OGDH: variants seen among roughly 807,000 people sequenced by gnomAD.
OGDH encodes the protein oxoglutarate dehydrogenase, also known as 2-oxoglutarate dehydrogenase complex component E1.
In OGDH, 38 loss-of-function variants were observed where a neutral mutation model predicts 116.6. The ratio of observed to expected loss-of-function variants is 0.33; its 90% CI spans 0.25 to 0.43. The LOEUF (loss-of-function observed/expected upper bound fraction) is 0.43, where lower values mean the gene tolerates loss of function less well. OGDH is among the 20% of genes least tolerant of loss of function. OGDH has a pLI of 1.00. For missense variants in OGDH, 825 were observed against 1,357.2 expected (o/e 0.61, Z 6.16); for synonymous variants, 488 against 533.3 (o/e 0.92, Z 1.17).
At chr7:44,607,388 C>T (rs968621455) in intron 1 of OGDH, among the ~76,000 whole-genome samples, 1 of 152,188 alleles carries the variant, frequency 6.6e-6, no homozygotes, top group African/African-American at 2.4e-5. Flanking sequence ...CGCGCCCTCG[C>T]CCTGACCTGG....
intron 1 of OGDH, among the ~76,000 whole-genome samples, chr7:44,609,438 C>T (rs112050133): frequency 6.7e-6 from 1 of 149,430 alleles, no homozygotes; most frequent in Non-Finnish European, 1.5e-5. Context: ...TGAGCCTAGG[C>T]TGTGGTGGCT....
intron 18 of OGDH, among the ~76,000 whole-genome samples, chr7:44,699,297 G>A (rs962286002): frequency 2.7e-5 from 4 of 150,622 alleles, no homozygotes; most frequent in Non-Finnish European, 5.9e-5. Context: ...GTGGTGGCGG[G>A]CACCTGTAGT....
At chr7:44,689,208 C>CTTTTT (rs367897508) in intron 10 of OGDH, among the ~76,000 whole-genome samples, 7 of 101,316 alleles carry the variant, frequency 6.9e-5, no homozygotes, top group African/African-American at 8.2e-5. Flanking sequence ...ATCAGGGTTC[C>CTTTTT]TTTTTTTTTT....
At chr7:44,616,768 C>T (rs1178982529) in intron 1 of OGDH, among the ~76,000 whole-genome samples, 8 of 126,822 alleles carry the variant, frequency 6.3e-5, no homozygotes, top group African/African-American at 1.9e-4. Context: ...TATATATACA[C>T]GTATATGTGT....
At chr7:44,616,741 A>G (rs1031670069) in intron 1 of OGDH, among the ~76,000 whole-genome samples, 1 of 146,288 alleles carries the variant, frequency 6.8e-6, no homozygotes, top group Non-Finnish European at 1.5e-5. Flanking sequence ...ATATACGTAT[A>G]TAAGTGTATA....
At chr7:44,675,912 CTTT>C in intron 8 of OGDH, 55 bp from the exon 9 acceptor site, 1 of 1,568,098 alleles carries the variant, frequency 6.4e-7, no homozygotes, top group Non-Finnish European at 8.7e-7. Context: ...TAAAAGGGCT[CTTT>C]TGGAGACTGA....
chr7:44,655,016 T>C (rs1001146280), intron 4 of OGDH, among the ~76,000 whole-genome samples: 6 of 152,246 alleles, frequency 3.9e-5, no homozygotes, highest in Non-Finnish European at 8.8e-5. Flanking sequence ...TTGTGTCTTT[T>C]GTTTGCCTTT....
chr7:44,659,160 T>C (rs9768229), intron 4 of OGDH, among the ~76,000 whole-genome samples: 28,251 of 152,052 alleles, frequency 0.19, 6,301 homozygotes, highest in African/African-American at 0.52. Context: ...TTAATGTAGA[T>C]GATTTAATGC....
intron 1 of OGDH, among the ~76,000 whole-genome samples, chr7:44,619,744 G>A (rs1784937782): frequency 6.6e-6 from 1 of 151,812 alleles, no homozygotes; most frequent in African/African-American, 2.4e-5. Context: ...AGTTTTTTTT[G>A]TGGACATACA....
At chr7:44,647,970 T>A (rs1786265954) in intron 4 of OGDH, among the ~76,000 whole-genome samples, 1 of 152,214 alleles carries the variant, frequency 6.6e-6, no homozygotes, top group African/African-American at 2.4e-5. Context: ...AGTCTCAAAA[T>A]TTGAAAATAA....
intron 10 of OGDH, among the ~76,000 whole-genome samples, chr7:44,683,583 G>A (rs1237800335): frequency 2.6e-5 from 4 of 152,058 alleles, no homozygotes; most frequent in South Asian, 2.1e-4. Flanking sequence ...GCATGGGGAC[G>A]TTCTCTTTCT....
intron 10 of OGDH, among the ~76,000 whole-genome samples, chr7:44,685,619 T>G (rs920689871): frequency 6.6e-6 from 1 of 152,092 alleles, no homozygotes; most frequent in African/African-American, 2.4e-5. Flanking sequence ...CACCCTGCTT[T>G]CTTTTTTTTT....
At chr7:44,695,353 C>G (rs533615342) in intron 12 of OGDH, among the ~76,000 whole-genome samples, 4 of 152,244 alleles carry the variant, frequency 2.6e-5, no homozygotes, top group Admixed American at 1.3e-4. Context: ...GTCTTGGCCT[C>G]CCAAAGTGCT....
intron 5 of OGDH, among the ~76,000 whole-genome samples, chr7:44,667,376 A>G (rs1009115680): frequency 2.6e-5 from 4 of 152,170 alleles, no homozygotes; most frequent in African/African-American, 9.7e-5. Context: ...CTAGGAGTTT[A>G]TTACAGATGG....
At chr7:44,633,571 G>A (rs1785538618) in intron 2 of OGDH, among the ~76,000 whole-genome samples, 1 of 152,296 alleles carries the variant, frequency 6.6e-6, no homozygotes, top group East Asian at 1.9e-4. Flanking sequence ...TCCCTTGGAG[G>A]GAGGTTTGAG....
intron 2 of OGDH, among the ~76,000 whole-genome samples, chr7:44,626,899 C>T (rs1273731730): frequency 6.6e-6 from 1 of 152,214 alleles, no homozygotes; most frequent in Non-Finnish European, 1.5e-5. Flanking sequence ...GCACGGACTT[C>T]ATCACTCCTC....
At chr7:44,660,178 G>A (rs966692471) in intron 4 of OGDH, among the ~76,000 whole-genome samples, 1 of 152,156 alleles carries the variant, frequency 6.6e-6, no homozygotes, top group Non-Finnish European at 1.5e-5. Flanking sequence ...AGGCTATAGT[G>A]CAGTGGCATG....
At position 44,693,958 on chromosome 7, in the gene OGDH, C is replaced by T. The variant is rs774502991; in HGVS notation, c.1469C>T (p.Ala490Val). ...PEAVMYVCKV[A>V]AEWRSTFHKD... ...GCTGTCATGTACGTGTGCAAAGTGG[C>T]GGCCGAGTGGAGGAGCACCTTCCAC... The change falls in exon 11 of 23, where the codon GCG becomes GTG. Residue 490 changes from alanine (A) to valine (V), a missense_variant. Ala to Val is a moderately conservative substitution (Grantham distance 64). This residue lies in a region of OGDH where 146 missense variants were observed against 317.3 expected (regional missense o/e 0.46). Coordinates refer to ENST00000222673, the MANE Select transcript of OGDH (RefSeq NM_002541.4). 63 of 1,613,786 alleles carry T rather than the reference C, an allele frequency of 3.9e-5. No individual in the cohort carries two copies. Among genetic ancestry groups the T allele is most frequent in the Non-Finnish European group, 5.0e-5 (59 of 1,179,874 alleles).
chr7:44,647,825 GC>G, intron 4 of OGDH, 66 bp downstream of exon 4: 1 of 1,232,972 alleles, frequency 8.1e-7, no homozygotes, highest in Non-Finnish European at 1.2e-6. Context: ...ACCTGTGGTA[GC>G]CAGGATGTCC....
Sources: gnomAD v4.1 joint callset for allele counts (sites outside exome capture counted in the v4.1 genomes callset) on GRCh38, gnomAD v4.1.1 for gene constraint, gnomAD v4.1.1 regional missense constraint, MANE v1.5 for transcripts, NCBI Gene and HGNC (gene_info 2026-07-23, HGNC 2026-07-21) for gene names.